MTREX: variants seen among roughly 807,000 people sequenced by gnomAD.
MTREX encodes exosome RNA helicase MTR4.
In MTREX, 76 loss-of-function variants were observed where a neutral mutation model predicts 135.4. That is an observed-to-expected ratio of 0.56 (90% CI 0.47 to 0.68). The LOEUF (loss-of-function observed/expected upper bound fraction) is 0.68. Ranked by LOEUF, MTREX falls within the 30% of genes least tolerant of loss-of-function variation. MTREX has a pLI of 0.00. For missense variants in MTREX, 920 were observed against 1,262.1 expected (o/e 0.73, Z 4.11); for synonymous variants, 404 against 401.6 (o/e 1.01, Z -0.07).
At chr5:55,326,295 G>A (rs1749376382) in intron 3 of MTREX, among the ~76,000 whole-genome samples, 1 of 152,184 alleles carries the variant, frequency 6.6e-6, no homozygotes, top group Non-Finnish European at 1.5e-5. Context: ...AGCTACTCAG[G>A]AGGCTGAGGC....
At chr5:55,308,183 T>G (rs1185255357) in intron 1 of MTREX, 36 bp downstream of exon 1, 2 of 1,545,078 alleles carry the variant, frequency 1.3e-6, no homozygotes, top group Non-Finnish European at 1.7e-6. Context: ...TTTTATTTTT[T>G]TTCTCGGTGG....
At chr5:55,397,298 C>T (rs1750660410) in intron 19 of MTREX, 118 bp from the exon 20 acceptor site, 3 of 525,770 alleles carry the variant, frequency 5.7e-6, no homozygotes, top group Non-Finnish European at 6.8e-6. Flanking sequence ...TTATGTACTT[C>T]TTATACCTGT....
chr5:55,320,219 C>A (rs368114318), intron 1 of MTREX, among the ~76,000 whole-genome samples: 1 of 136,700 alleles, frequency 7.3e-6, no homozygotes, highest in Admixed American at 7.3e-5. Context: ...ATTAAAAAGT[C>A]TTTTTTTTTT....
intron 3 of MTREX, among the ~76,000 whole-genome samples, chr5:55,326,858 C>T (rs1165413134): frequency 6.6e-6 from 1 of 152,162 alleles, no homozygotes; most frequent in East Asian, 1.9e-4. Context: ...AGCCCCCCAC[C>T]TCTCTACAGG....
chr5:55,343,538 C>T (rs1749684948), intron 8 of MTREX, 83 bp downstream of exon 8: 1 of 1,196,216 alleles, frequency 8.4e-7, no homozygotes, highest in Non-Finnish European at 1.2e-6. Context: ...TGCTTTTCTC[C>T]TGATGTTGTC....
At chr5:55,401,044 T>C (rs1015420748) in intron 21 of MTREX, among the ~76,000 whole-genome samples, 68 of 152,126 alleles carry the variant, frequency 4.5e-4, no homozygotes, top group African/African-American at 1.6e-3. Context: ...TGCATGCGTG[T>C]GTGTGTGTGA....
chr5:55,379,230 A>T, intron 18 of MTREX, 35 bp downstream of exon 18: 1 of 1,239,178 alleles, frequency 8.1e-7, no homozygotes, highest in Non-Finnish European at 1.2e-6. Context: ...ATTGTATATC[A>T]ATTTTTAGTG....
chr5:55,335,661 G>C (rs929389689), intron 5 of MTREX, among the ~76,000 whole-genome samples: 4 of 152,038 alleles, frequency 2.6e-5, no homozygotes, highest in African/African-American at 9.7e-5. Flanking sequence ...TTTGATTACT[G>C]TGGGGTTATA....
At chr5:55,363,384 T>C (rs911854065) in intron 15 of MTREX, among the ~76,000 whole-genome samples, 1 of 152,158 alleles carries the variant, frequency 6.6e-6, no homozygotes, top group Admixed American at 6.6e-5. Context: ...TACAAAAGCT[T>C]TTCTAGAAAA....
intron 23 of MTREX, among the ~76,000 whole-genome samples, chr5:55,413,073 G>A (rs1750908479): frequency 2.0e-5 from 3 of 152,058 alleles, no homozygotes; most frequent in Non-Finnish European, 4.4e-5. Context: ...CGGGCACAGT[G>A]GCTCATGCCT....
chr5:55,347,858 C>T (rs1749763355), intron 11 of MTREX, among the ~76,000 whole-genome samples: 1 of 152,130 alleles, frequency 6.6e-6, no homozygotes, highest in Non-Finnish European at 1.5e-5. Context: ...CAAGGAGGAG[C>T]AAGTCACATC....
intron 23 of MTREX, among the ~76,000 whole-genome samples, chr5:55,411,070 G>T (rs1750878516): frequency 6.6e-6 from 1 of 152,304 alleles, no homozygotes; most frequent in South Asian, 2.1e-4. Context: ...TAGTTTTCAT[G>T]GGCACGGTTT....
At position 55,388,237 on chromosome 5, in the gene MTREX, T is replaced by A. The variant is rs1035054570; in HGVS notation, c.2181+135T>A. On this transcript the variant is annotated intron_variant, in intron 19 of 26. Transcript: ENST00000230640. ...TAGAAGTTTTCAAGGTATTTTAAGG[T>A]ATATTAGTAAAGCTATCTAACGTAT... 4 of 660,022 alleles carry A rather than the reference T, an allele frequency of 6.1e-6. No homozygotes were observed. The South Asian group carries it at 1.9e-4, about 31-fold the overall frequency. The allele number at this position is 660,022 out of a possible 1,614,324, so 40.9% of individuals were successfully genotyped here. A position where few individuals can be genotyped will look rare whatever the true frequency, so the allele number is the denominator to read the frequency against.
At chr5:55,324,038 A>C in intron 2 of MTREX, 94 bp from the exon 3 acceptor site, 2 of 832,558 alleles carry the variant, frequency 2.4e-6, no homozygotes, top group Non-Finnish European at 4.0e-6. Context: ...ATGATTGGAC[A>C]GTGTCATTTT....
At chr5:55,418,590 C>CG (rs1228615096) in intron 25 of MTREX, among the ~76,000 whole-genome samples, 1 of 151,666 alleles carries the variant, frequency 6.6e-6, no homozygotes, top group African/African-American at 2.4e-5. Flanking sequence ...TTTTTTAGCT[C>CG]TAACTTGAAA....
At chr5:55,395,459 A>T (rs1454438543) in intron 19 of MTREX, among the ~76,000 whole-genome samples, 1 of 152,164 alleles carries the variant, frequency 6.6e-6, no homozygotes, top group Non-Finnish European at 1.5e-5. Flanking sequence ...CCATTAGGCA[A>T]CTACCACAAA....
intron 23 of MTREX, 54 bp downstream of exon 23, chr5:55,410,683 A>T: frequency 9.3e-7 from 1 of 1,074,550 alleles, no homozygotes; most frequent in Admixed American, 1.9e-5. Context: ...TCATGTAGTT[A>T]ATAGTGTTAT....
chr5:55,358,481 C>T, intron 14 of MTREX, 92 bp from the exon 15 acceptor site: 1 of 1,093,808 alleles, frequency 9.1e-7, no homozygotes, highest in Non-Finnish European at 1.3e-6. Flanking sequence ...GGGTTTATAA[C>T]TTGTTATAAA....
chr5:55,316,549 A>C (rs774720456), intron 1 of MTREX, among the ~76,000 whole-genome samples: 1 of 152,214 alleles, frequency 6.6e-6, no homozygotes, highest in African/African-American at 2.4e-5. Flanking sequence ...GATTATTTCA[A>C]TACATGCAGA....
Sources: gnomAD v4.1 joint callset for allele counts (sites outside exome capture counted in the v4.1 genomes callset) on GRCh38, gnomAD v4.1.1 for gene constraint, MANE v1.5 for transcripts, NCBI Gene and HGNC (gene_info 2026-07-23, HGNC 2026-07-21) for gene names.